ESCO2: variants seen among roughly 807,000 people sequenced by gnomAD.
ESCO2 encodes N-acetyltransferase ESCO2.
Under a neutral mutation model 61.7 loss-of-function variants are expected in ESCO2, and 51 were observed. The observed-to-expected ratio is 0.83, with a 90% CI of 0.66 to 1.04. The LOEUF (loss-of-function observed/expected upper bound fraction) is 1.04. Among genes scored for constraint, ESCO2 ranks in the 50% least tolerant of loss-of-function variants. The probability of loss-of-function intolerance (pLI) is 0.00; values close to 1 mark genes in which losing one functional copy is unlikely to be tolerated. For missense variants in ESCO2, 692 were observed against 686.2 expected (o/e 1.01, Z -0.09); for synonymous variants, 230 against 238.2 (o/e 0.97, Z 0.32).
At chr8:27,809,569 A>G (rs913524896), downstream of ESCO2, 2 of 152,184 alleles carry the variant, frequency 1.3e-5, no homozygotes, top group African/African-American at 2.4e-5. Flanking sequence ...CATTTACTCA[A>G]GTTTAATGAC....
At position 27,784,051 on chromosome 8, in the gene ESCO2, C is replaced by A. The variant is rs1310380278; in HGVS notation, c.1007C>A (p.Ser336Ter). 6.2e-7 allele frequency: 1 copy of A among 1,613,128 alleles called. No homozygotes were observed. The highest frequency in any genetic ancestry group is 2.2e-5 in the East Asian group (1 of 44,778). Residue 336 changes from serine (S) to a stop codon, truncating the protein, a stop_gained, in exon 5 of 11, where the codon TCA (serine) becomes TAA (stop). Coordinates refer to ENST00000305188, the MANE Select transcript of ESCO2 (RefSeq NM_001017420.3). LOFTEE classifies it high-confidence loss of function. ...ATCTTCAGTGCATCTTCAGTCAATT[C>A]AAAAAGGTGAGAATTGTTATTGTTT... is the stretch of plus-strand genomic sequence containing the variant. ...YPIFSASSVN[S>*]KRSLGEEQFS...
At chr8:27,788,685 G>T (rs138016310) in intron 6 of ESCO2, among the ~76,000 whole-genome samples, 162 bp from the exon 7 acceptor site, 1 of 152,208 alleles carries the variant, frequency 6.6e-6, no homozygotes, top group African/African-American at 2.4e-5. Flanking sequence ...TGTCTTGGGG[G>T]AGGGAAGGAG....
upstream of ESCO2, chr8:27,772,123 G>T: frequency 4.1e-6 from 1 of 245,550 alleles, no homozygotes; most frequent in Non-Finnish European, 7.9e-6. Context: ...CTTTCTCACA[G>T]GGGATAATTA....
chr8:27,788,843 A>G lies in ESCO2; in HGVS notation c.1132-4A>G, dbSNP rs1805108877. On this transcript the variant is annotated splice_region_variant and splice_polypyrimidine_tract_variant and intron_variant, in intron 6 of 10. Transcript: ENST00000305188. ...GGGTTTCTTTTTTTACCCCCCAATT[A>G]TAGGACGCTGGTCAGAAACATTTTG... is the stretch of plus-strand genomic sequence containing the variant. 6.2e-7 allele frequency: 1 copy of G among 1,614,072 alleles called. No homozygotes were observed. Among genetic ancestry groups the G allele is most frequent in the Admixed American group, 1.7e-5 (1 of 60,024 alleles).
At chr8:27,790,221 T>C (rs1212744587) in intron 7 of ESCO2, among the ~76,000 whole-genome samples, 1 of 152,240 alleles carries the variant, frequency 6.6e-6, no homozygotes, top group African/African-American at 2.4e-5. Context: ...CGGGATTTCT[T>C]TCTTTAATTT....
In ESCO2 at chr8:27,792,772, G is replaced by A. The variant is rs1200622636; in HGVS notation, c.1458G>A (p.Lys486=). 2.5e-6 allele frequency: 4 copies of A among 1,609,394 alleles called. No individual in the cohort carries two copies. In the South Asian group the frequency reaches 3.3e-5, roughly 13 times the overall value. ...IKTFLFISDE[K]RVVGCLIAEP... ...CTTTTCTTTTTATATCTGATGAAAA[G>A]AGAGTAGTTGGGTGTTTAATTGCAG... The change falls in exon 9 of 11, where the codon AAG becomes AAA. Residue 486 remains lysine, a synonymous_variant. Coordinates refer to ENST00000305188, the MANE Select transcript of ESCO2 (RefSeq NM_001017420.3).
chr8:27,792,459 T>C (rs1326991085), intron 8 of ESCO2, among the ~76,000 whole-genome samples: 2 of 152,204 alleles, frequency 1.3e-5, no homozygotes, highest in Non-Finnish European at 2.9e-5. Context: ...CTGCTGAAAG[T>C]GATCTTTAAA....
At chr8:27,816,017 A>G (rs144331128), downstream of ESCO2, among the ~76,000 whole-genome samples, 1,129 of 152,292 alleles carry the variant, frequency 7.4e-3, 13 homozygotes, top group African/African-American at 0.026. Context: ...TGCTTTAGTT[A>G]CTATCCCAAA....
At chr8:27,795,969 G>A (rs1053090745) in intron 9 of ESCO2, among the ~76,000 whole-genome samples, 1 of 148,704 alleles carries the variant, frequency 6.7e-6, no homozygotes, top group African/African-American at 2.5e-5. Context: ...CTTGCAAAAT[G>A]ACTTTGGAGG....
upstream of ESCO2, chr8:27,772,585 T>C: frequency 1.9e-6 from 3 of 1,540,792 alleles, no homozygotes; most frequent in Non-Finnish European, 2.6e-6. Flanking sequence ...GCAGCAGCGC[T>C]CAACTCACGA....
Position 27,776,749 on chromosome 8 carries a change from G to A in ESCO2, c.441G>A (p.Lys147=). 1.9e-6 allele frequency: 3 copies of A among 1,613,946 alleles called. No homozygotes were observed. The highest frequency in any genetic ancestry group is 2.5e-6 in the Non-Finnish European group (3 of 1,180,034). The change falls in exon 3 of 11, where the codon AAG becomes AAA. Residue 147 remains lysine, a synonymous_variant. Transcript: ENST00000305188. Reference sequence around the variant, plus strand: ...AACCACAGAAGAGTTTAACTGCTAAGTATCAACCAAAGTATAGACACATCA... The same window carrying A: ...AACCACAGAAGAGTTTAACTGCTAAATATCAACCAAAGTATAGACACATCA... The part of the protein sequence containing the change: ...NKKPQKSLTA[K]YQPKYRHIKP...
At chr8:27,783,883 C>A (rs934961143) in intron 4 of ESCO2, 117 bp from the exon 5 acceptor site, 1 of 971,830 alleles carries the variant, frequency 1.0e-6, no homozygotes, top group African/African-American at 1.6e-5. Flanking sequence ...TTACCTTTGC[C>A]TCTTTGTTAA....
chr8:27,791,271 T>C (rs1352552067), intron 7 of ESCO2, among the ~76,000 whole-genome samples: 1 of 152,210 alleles, frequency 6.6e-6, no homozygotes, highest in African/African-American at 2.4e-5. Context: ...ATTAAATTTA[T>C]TTCTAATATT....
At chr8:27,810,976 T>C (rs143824466), downstream of ESCO2, 27 of 1,600,220 alleles carry the variant, frequency 1.7e-5, no homozygotes, top group African/African-American at 2.0e-4. Context: ...TCATCATCAT[T>C]TGAAAGATTA....
At chr8:27,801,724 A>G (rs1191761835) in intron 10 of ESCO2, among the ~76,000 whole-genome samples, 1 of 152,140 alleles carries the variant, frequency 6.6e-6, no homozygotes, top group African/African-American at 2.4e-5. Context: ...AAGATCTATT[A>G]AGTTCAACAT....
Position 27,804,217 on chromosome 8 carries a change from TTACC to T in ESCO2, c.*781_*784del. 8 of 985,196 alleles carry T rather than the reference TTACC, an allele frequency of 8.1e-6. No homozygotes were observed. The highest frequency in any genetic ancestry group is 9.6e-6 in the Non-Finnish European group (8 of 829,702). 61.0% of individuals were successfully genotyped at this position (985,196 alleles called of 1,614,324 possible). On this transcript the variant is annotated 3_prime_UTR_variant, in exon 11 of 11. Transcript: ENST00000305188. ...GTTCAATCTTTTTGAAAATAAATGT[TTACC>T]TGTCATCAGATTTAATTAAAATTAT...
chr8:27,803,615 GA>G lies in ESCO2; in HGVS notation c.*179del. ...TGTTCCTTATGAGTTGAAAAGTCAG[GA>G]ATAAATTTGTTGAAAATTATCTGGG... On this transcript the variant is annotated 3_prime_UTR_variant, in exon 11 of 11. Transcript: ENST00000305188. The G allele has an allele frequency of 7.3e-7, 1 of 1,368,908 alleles. No individual in the cohort carries two copies. Among genetic ancestry groups the G allele is most frequent in the Non-Finnish European group, 9.4e-7 (1 of 1,068,150 alleles). 84.8% of individuals were successfully genotyped at this position (1,368,908 alleles called of 1,614,324 possible). A position where few individuals can be genotyped will look rare whatever the true frequency, so the allele number is the denominator to read the frequency against.
chr8:27,809,998 G>T (rs1805638167), downstream of ESCO2: 14 of 291,998 alleles, frequency 4.8e-5, no homozygotes, highest in South Asian at 6.7e-4. Context: ...ATTAATAAAA[G>T]TAATGGTCAT....
At chr8:27,790,850 G>A (rs1323741479) in intron 7 of ESCO2, among the ~76,000 whole-genome samples, 1 of 152,108 alleles carries the variant, frequency 6.6e-6, no homozygotes, top group African/African-American at 2.4e-5. Context: ...ACATATAAAT[G>A]GGTTTGTTAT....
Sources: allele counts gnomAD v4.1 joint callset (sites outside exome capture counted in the v4.1 genomes callset), GRCh38; gene constraint gnomAD v4.1.1; transcripts MANE v1.5; gene names NCBI Gene and HGNC (gene_info 2026-07-23, HGNC 2026-07-21).